The following R3HDM1 variants were observed in gnomAD, a reference collection of about 807,000 sequenced individuals.
R3HDM1 encodes R3H domain-containing protein 1.
A neutral mutation model predicts 141.1 loss-of-function variants in R3HDM1; 46 were observed. The observed-to-expected ratio is 0.33, with a 90% CI of 0.26 to 0.42. The LOEUF is 0.42. Among genes scored for constraint, R3HDM1 ranks in the 10% least tolerant of loss-of-function variants. The pLI is 1.00. For missense variants in R3HDM1, 1,184 were observed against 1,368.3 expected (o/e 0.87, Z 2.12); for synonymous variants, 435 against 472.9 (o/e 0.92, Z 1.04).
At position 135,715,537 on chromosome 2, in the gene R3HDM1, A is replaced by G. The variant is rs772333946; in HGVS notation, c.2737-13A>G. On this transcript the variant is annotated splice_polypyrimidine_tract_variant and intron_variant, in intron 23 of 26. Transcript: ENST00000683871. Reference sequence around the variant, plus strand: ...AAATGCTGACCCATTTTCTTGACGTATTGTAATTGCAGCACAGCCCTCAAC... The same window carrying G: ...AAATGCTGACCCATTTTCTTGACGTGTTGTAATTGCAGCACAGCCCTCAAC... 5 of 1,607,840 alleles carry G rather than the reference A, an allele frequency of 3.1e-6. No homozygotes were observed. Among genetic ancestry groups the G allele is most frequent in the East Asian group, 4.5e-5 (2 of 44,692 alleles).
intron 1 of R3HDM1, among the ~76,000 whole-genome samples, chr2:135,572,819 T>G (rs1183178004): frequency 6.6e-6 from 1 of 152,262 alleles, no homozygotes. Flanking sequence ...AATATTATTT[T>G]CACTGTAAAG....
intron 1 of R3HDM1, among the ~76,000 whole-genome samples, chr2:135,584,907 C>T (rs1033254553): frequency 4.6e-5 from 7 of 152,200 alleles, no homozygotes; most frequent in African/African-American, 1.7e-4. Context: ...GAAAAGCTGC[C>T]TTGAAATATG....
intron 19 of R3HDM1, chr2:135,665,546 A>G: frequency 2.2e-6 from 1 of 447,840 alleles, no homozygotes; most frequent in South Asian, 1.7e-5. Context: ...AGGTGTTAAC[A>G]TTTGTTTATA....
chr2:135,677,415 A>G (rs892997432), intron 20 of R3HDM1, among the ~76,000 whole-genome samples: 1 of 152,120 alleles, frequency 6.6e-6, no homozygotes, highest in African/African-American at 2.4e-5. Context: ...ATTGACACCA[A>G]GCCTGAAGCC....
chr2:135,576,404 G>A (rs1705435349), intron 1 of R3HDM1, among the ~76,000 whole-genome samples: 1 of 152,040 alleles, frequency 6.6e-6, no homozygotes, highest in African/African-American at 2.4e-5. Context: ...AATCACTGAG[G>A]TAGAAATTGG....
At chr2:135,555,203 G>T (rs1038651287) in intron 1 of R3HDM1, among the ~76,000 whole-genome samples, 10 of 151,660 alleles carry the variant, frequency 6.6e-5, no homozygotes, top group African/African-American at 2.4e-4. Context: ...GGGAGGCTGA[G>T]GCAGAATTGC....
chr2:135,703,638 G>T (rs575848181), intron 21 of R3HDM1, among the ~76,000 whole-genome samples: 5 of 151,474 alleles, frequency 3.3e-5, no homozygotes, highest in African/African-American at 7.3e-5. Flanking sequence ...TTTTTTAATG[G>T]CTCACATTAG....
chr2:135,657,832 A>C (rs2066119907), intron 18 of R3HDM1, among the ~76,000 whole-genome samples: 1 of 152,260 alleles, frequency 6.6e-6, no homozygotes, highest in Non-Finnish European at 1.5e-5. Context: ...GGAAGGAAAA[A>C]TAAATCAAGA....
chr2:135,712,644 G>A (rs1169661503), intron 23 of R3HDM1, among the ~76,000 whole-genome samples: 2 of 151,850 alleles, frequency 1.3e-5, no homozygotes, highest in African/African-American at 2.4e-5. Flanking sequence ...ACTTCCGGCC[G>A]GGCACGATGG....
At chr2:135,654,561 G>T (rs866388288) in intron 18 of R3HDM1, among the ~76,000 whole-genome samples, 15 of 152,058 alleles carry the variant, frequency 9.9e-5, no homozygotes, top group Admixed American at 2.0e-4. Flanking sequence ...CAATTCTCCT[G>T]CCTCAGCCCC....
intron 5 of R3HDM1, among the ~76,000 whole-genome samples, chr2:135,619,051 A>G (rs547643584): frequency 1.3e-5 from 2 of 151,678 alleles, no homozygotes; most frequent in South Asian, 4.2e-4. Context: ...GTTATTTTGT[A>G]CAAGTCAGAG....
chr2:135,623,019 A>T, intron 7 of R3HDM1: 1 of 981,126 alleles, frequency 1.0e-6, no homozygotes, highest in African/African-American at 1.7e-5. Context: ...TAATCATGAG[A>T]AAAAAGAAAA....
chr2:135,687,015 T>C (rs1440106584), intron 21 of R3HDM1, among the ~76,000 whole-genome samples: 1 of 152,126 alleles, frequency 6.6e-6, no homozygotes, highest in East Asian at 1.9e-4. Context: ...CTGGCCAACA[T>C]GGTGAAACTT....
At chr2:135,544,955 ACT>A (rs1698377090) in intron 1 of R3HDM1, among the ~76,000 whole-genome samples, 2 of 151,952 alleles carry the variant, frequency 1.3e-5, no homozygotes. Flanking sequence ...ATAGAGTAAA[ACT>A]CTGTCTAAAA....
chr2:135,537,695 C>T (rs1357305052), intron 1 of R3HDM1, among the ~76,000 whole-genome samples: 4 of 148,310 alleles, frequency 2.7e-5, no homozygotes, highest in Admixed American at 1.4e-4. Flanking sequence ...CTCACTCTGT[C>T]GCCCAGGGTG....
At chr2:135,678,715 GTCATCA>G (rs916564275) in intron 20 of R3HDM1, among the ~76,000 whole-genome samples, 3 of 149,062 alleles carry the variant, frequency 2.0e-5, no homozygotes, top group Admixed American at 2.0e-4. Flanking sequence ...TATTATTAAC[GTCATCA>G]TCATCATCAG....
chr2:135,708,345 A>C (rs1282776560), intron 21 of R3HDM1, among the ~76,000 whole-genome samples: 2 of 152,108 alleles, frequency 1.3e-5, no homozygotes, highest in African/African-American at 4.8e-5. Flanking sequence ...CATATTCTGG[A>C]TTTTACCGAT....
rs549464204 is a variant in R3HDM1, at chr2:135,597,696, C to T, written c.-249-4804C>T. Among the ~76,000 whole-genome samples the T allele has an allele frequency of 2.0e-5, 3 of 152,202 alleles. No homozygotes were observed. In the East Asian group the frequency reaches 5.8e-4, roughly 29 times the overall value. The stretch of plus-strand genomic sequence containing the variant: ...TAGATAGTGATAAGGAAGCAACAAC[C>T]CTTTTTTTTGGGCTTTGCCAAATTC... On this transcript the variant is annotated intron_variant, in intron 1 of 26. Transcript: ENST00000683871.
At chr2:135,575,233 A>G (rs1272419893) in intron 1 of R3HDM1, among the ~76,000 whole-genome samples, 2 of 152,224 alleles carry the variant, frequency 1.3e-5, no homozygotes, top group African/African-American at 4.8e-5. Flanking sequence ...TTTTGGCCAG[A>G]GTGCAATGGC....
Sources: gnomAD v4.1 joint callset for allele counts (sites outside exome capture counted in the v4.1 genomes callset) on GRCh38, gnomAD v4.1.1 for gene constraint, MANE v1.5 for transcripts, NCBI Gene and HGNC (gene_info 2026-07-23, HGNC 2026-07-21) for gene names.